The following SAMMSON variants were observed in gnomAD, a reference collection of about 807,000 sequenced individuals.
The protein encoded by SAMMSON is long intergenic non-protein coding RNA 1212.
intron 9 of SAMMSON, among the ~76,000 whole-genome samples, chr3:70,385,706 C>G (rs1703118034): frequency 6.6e-6 from 1 of 151,986 alleles, no homozygotes; most frequent in African/African-American, 2.4e-5. Context: ...GACTCAGAGT[C>G]CCTTCATAAT....
intron 9 of SAMMSON, among the ~76,000 whole-genome samples, chr3:70,386,621 A>G (rs1346189142): frequency 3.3e-5 from 5 of 152,074 alleles, no homozygotes; most frequent in African/African-American, 9.7e-5. Flanking sequence ...TGGAGGTGTC[A>G]GTAAAGCCCA....
chr3:70,262,646 C>T (rs1367903210), intron 6 of SAMMSON, among the ~76,000 whole-genome samples: 1 of 152,122 alleles, frequency 6.6e-6, no homozygotes. Flanking sequence ...GTCATTGACT[C>T]TCAAATTTTA....
intron 7 of SAMMSON, among the ~76,000 whole-genome samples, chr3:70,323,288 C>T (rs1181302103): frequency 1.3e-5 from 2 of 152,082 alleles, no homozygotes; most frequent in East Asian, 1.9e-4. Flanking sequence ...GTGTTCATTT[C>T]GTACTAAGTG....
At chr3:70,240,314 A>C (rs988617587) in intron 4 of SAMMSON, among the ~76,000 whole-genome samples, 1 of 152,070 alleles carries the variant, frequency 6.6e-6, no homozygotes, top group Non-Finnish European at 1.5e-5. Flanking sequence ...GCTAAGCCAG[A>C]AACAAGCAGA....
At chr3:70,271,091 A>G (rs28407931) in intron 6 of SAMMSON, among the ~76,000 whole-genome samples, 22,243 of 152,192 alleles carry the variant, frequency 0.15, 1,770 homozygotes, top group East Asian at 0.22. Flanking sequence ...TAGGCCATTT[A>G]TCGAAGCTGG....
intron 4 of SAMMSON, chr3:70,126,960 C>G (rs2067461715): frequency 6.5e-6 from 1 of 153,210 alleles, no homozygotes; most frequent in Admixed American, 6.5e-5. Flanking sequence ...CCTGATCTGC[C>G]TGTCTTGGCC....
intron 4 of SAMMSON, among the ~76,000 whole-genome samples, chr3:70,149,524 G>T (rs2067563044): frequency 6.6e-6 from 1 of 152,090 alleles, no homozygotes; most frequent in Non-Finnish European, 1.5e-5. Context: ...TTGGCAGGGG[G>T]TAGCAGGTGG....
chr3:70,091,281 G>GCATGGGTCGCAGCCGC (rs1406532704), intron 4 of SAMMSON, among the ~76,000 whole-genome samples: 1 of 152,124 alleles, frequency 6.6e-6, no homozygotes, highest in Non-Finnish European at 1.5e-5. Flanking sequence ...AAGCCCTCAG[G>GCATGGGTCGCAGCCGC]CATGGGTCGC....
chr3:70,161,470 TATTA>T (rs1208359553), intron 4 of SAMMSON, among the ~76,000 whole-genome samples: 3 of 152,058 alleles, frequency 2.0e-5, no homozygotes, highest in Admixed American at 2.0e-4. Flanking sequence ...TGGTGTTTTA[TATTA>T]ATTGAGTTTT....
At chr3:70,342,305 G>A (rs959352335) in intron 7 of SAMMSON, among the ~76,000 whole-genome samples, 3 of 152,160 alleles carry the variant, frequency 2.0e-5, no homozygotes, top group African/African-American at 7.2e-5. Flanking sequence ...CTTCAAACTT[G>A]TATCTTCAGT....
At chr3:70,256,720 C>A (rs4974264) in intron 6 of SAMMSON, among the ~76,000 whole-genome samples, 1 of 152,196 alleles carries the variant, frequency 6.6e-6, no homozygotes, top group Non-Finnish European at 1.5e-5. Context: ...GATGGCATTA[C>A]TGGCCTTCTA....
downstream of SAMMSON, among the ~76,000 whole-genome samples, chr3:70,393,095 A>G (rs1048100673): frequency 2.0e-5 from 3 of 152,222 alleles, no homozygotes; most frequent in Non-Finnish European, 4.4e-5. Flanking sequence ...TTAAAAGCTT[A>G]AATGTCTGAA....
chr3:70,274,084 T>TG (rs1559551081), intron 6 of SAMMSON, among the ~76,000 whole-genome samples: 1 of 148,470 alleles, frequency 6.7e-6, no homozygotes, highest in Non-Finnish European at 1.5e-5. Flanking sequence ...TGTGTGTGTG[T>TG]GTGTGTGCGC....
intron 2 of SAMMSON, among the ~76,000 whole-genome samples, chr3:70,402,246 A>G (rs1701146462): frequency 6.6e-6 from 1 of 152,194 alleles, no homozygotes; most frequent in African/African-American, 2.4e-5. Flanking sequence ...ATAATAAAAC[A>G]TATATTTCTT....
In SAMMSON at chr3:70,268,288, C is replaced by T. The variant is rs146102016; in HGVS notation, n.674+18618C>T. On this transcript the variant is annotated intron_variant and non_coding_transcript_variant, in intron 6 of 9. Transcript: ENST00000642114. The stretch of plus-strand genomic sequence containing the variant: ...AAGTTCGCGACCAGCCTGGACAGCA[C>T]GGAGAAACACCCACCGTCTGTACTA... Among the ~76,000 whole-genome samples the T allele has an allele frequency of 9.2e-3, 1,391 of 151,978 alleles. 15 individuals are homozygous for T. The highest frequency in any genetic ancestry group is 0.031 in the African/African-American group (1,287 of 41,458).
intron 4 of SAMMSON, among the ~76,000 whole-genome samples, chr3:70,206,314 TA>T (rs917960803): frequency 3.3e-5 from 5 of 151,836 alleles, no homozygotes; most frequent in Admixed American, 2.0e-4. Flanking sequence ...CCCATAGCAA[TA>T]ATGATTATGT....
intron 3 of SAMMSON, among the ~76,000 whole-genome samples, chr3:70,019,806 G>A (rs933736814): frequency 2.6e-5 from 4 of 152,110 alleles, no homozygotes; most frequent in African/African-American, 9.7e-5. Flanking sequence ...CTGTTCTTAG[G>A]AATTAATATT....
intron 3 of SAMMSON, among the ~76,000 whole-genome samples, chr3:70,047,303 A>T (rs2067130610): frequency 6.6e-6 from 1 of 151,584 alleles, no homozygotes; most frequent in Non-Finnish European, 1.5e-5. Flanking sequence ...AGTAGGTATT[A>T]TTATTATTAT....
intron 7 of SAMMSON, among the ~76,000 whole-genome samples, chr3:70,337,075 CTTAATATTCTTATTAATAATAATATCT>C: frequency 1.5e-5 from 1 of 68,698 alleles, no homozygotes; most frequent in Admixed American, 1.5e-4. Context: ...TAATATCTAA[CTTAATATTCTTATTAATAATAATATCT>C]AACTTAATAT....
Sources: allele counts gnomAD v4.1 joint callset (sites outside exome capture counted in the v4.1 genomes callset), GRCh38; gene constraint gnomAD v4.1.1; transcripts MANE v1.5; gene names NCBI Gene and HGNC (gene_info 2026-07-23, HGNC 2026-07-21).